The following TMEM132D variants were observed in gnomAD, a reference collection of about 807,000 sequenced individuals.
TMEM132D encodes transmembrane protein 132D.
A neutral mutation model predicts 62.3 loss-of-function variants in TMEM132D; 21 were observed. The observed-to-expected ratio is 0.34, with a 90% CI of 0.24 to 0.49. The LOEUF (loss-of-function observed/expected upper bound fraction) is 0.49, where lower values mean the gene tolerates loss of function less well. Ranked by LOEUF, TMEM132D falls within the 20% of genes least tolerant of loss-of-function variation. TMEM132D has a pLI of 0.99. For missense variants in TMEM132D, 1,346 were observed against 1,402.8 expected (o/e 0.96, Z 0.65); for synonymous variants, 621 against 575.6 (o/e 1.08, Z -1.13).
At chr12:129,869,955 CTGAG>C (rs1874187219) in intron 1 of TMEM132D, among the ~76,000 whole-genome samples, 1 of 152,158 alleles carries the variant, frequency 6.6e-6, no homozygotes, top group South Asian at 2.1e-4. Context: ...CTGGCACTTC[CTGAG>C]TGATGTGTTC....
chr12:129,500,513 C>T (rs988235975), intron 3 of TMEM132D, among the ~76,000 whole-genome samples: 2 of 152,034 alleles, frequency 1.3e-5, no homozygotes, highest in African/African-American at 2.4e-5. Context: ...TCTTTCTCTA[C>T]CCTTGGCTGC....
chr12:129,548,794 T>C (rs1290155119), intron 2 of TMEM132D, among the ~76,000 whole-genome samples: 1 of 152,188 alleles, frequency 6.6e-6, no homozygotes, highest in Non-Finnish European at 1.5e-5. Context: ...AAGAAAGTGG[T>C]TTACTCAGAA....
intron 3 of TMEM132D, among the ~76,000 whole-genome samples, chr12:129,501,163 A>G (rs1247079162): frequency 6.6e-6 from 1 of 152,214 alleles, no homozygotes; most frequent in Non-Finnish European, 1.5e-5. Flanking sequence ...ATTCAGGGGA[A>G]ATTCATATTT....
Position 129,648,045 on chromosome 12 carries a change from C to T in TMEM132D, c.968+51765G>A, listed in dbSNP as rs1027128616. ...GTCCCTCCCTGTTTGGAGACCAGACCGCTTTGTAAAACCAATGCATTTTTC... is the reference window on the plus strand; with the variant it reads ...GTCCCTCCCTGTTTGGAGACCAGACTGCTTTGTAAAACCAATGCATTTTTC... On this transcript the variant is annotated intron_variant, in intron 2 of 8. Coordinates refer to ENST00000422113, the MANE Select transcript of TMEM132D (RefSeq NM_133448.3). Among the ~76,000 whole-genome samples, 6 of 152,124 alleles carry T rather than the reference C, an allele frequency of 3.9e-5. No homozygotes were observed. The South Asian group carries it at 1.2e-3, about 32-fold the overall frequency.
intron 3 of TMEM132D, among the ~76,000 whole-genome samples, chr12:129,425,550 T>C (rs1235865603): frequency 2.6e-5 from 4 of 152,172 alleles, no homozygotes; most frequent in Non-Finnish European, 1.5e-5. Context: ...ATATGACTAA[T>C]GAACAACCTG....
intron 5 of TMEM132D, among the ~76,000 whole-genome samples, chr12:129,112,235 G>A (rs987043929): frequency 2.0e-5 from 3 of 152,212 alleles, no homozygotes; most frequent in Non-Finnish European, 4.4e-5. Context: ...TGCATTCTGG[G>A]GTGAATGTAT....
chr12:129,600,748 A>G (rs1196875207), intron 2 of TMEM132D, among the ~76,000 whole-genome samples: 1 of 152,104 alleles, frequency 6.6e-6, no homozygotes, highest in Non-Finnish European at 1.5e-5. Flanking sequence ...TTTTTTTCTG[A>G]GCAACAGATC....
chr12:129,365,581 A>G (rs572164030), intron 3 of TMEM132D, among the ~76,000 whole-genome samples: 2 of 152,270 alleles, frequency 1.3e-5, no homozygotes, highest in Non-Finnish European at 2.9e-5. Flanking sequence ...AGGAACCAGG[A>G]TGGAGCAGGG....
chr12:129,341,963 G>A (rs1869503910), intron 3 of TMEM132D, among the ~76,000 whole-genome samples: 1 of 152,116 alleles, frequency 6.6e-6, no homozygotes, highest in African/African-American at 2.4e-5. Context: ...ATGCTCATGG[G>A]TAGGAAGAAT....
Position 129,546,901 on chromosome 12 carries a change from A to G in TMEM132D, c.969-15696T>C, listed in dbSNP as rs572835547. On this transcript the variant is annotated intron_variant, in intron 2 of 8. Transcript: ENST00000422113. The stretch of plus-strand genomic sequence containing the variant: ...AAGACATCTTTGCAAGCAGCTTAGA[A>G]CCATCTATTTCCATACAGTTTATTA... Among the ~76,000 whole-genome samples the G allele has an allele frequency of 7.9e-5, 12 of 152,360 alleles. No homozygotes were observed. The East Asian group carries it at 2.3e-3, about 29-fold the overall frequency.
chr12:129,610,950 G>T (rs532550870), intron 2 of TMEM132D, among the ~76,000 whole-genome samples: 1 of 152,274 alleles, frequency 6.6e-6, no homozygotes, highest in African/African-American at 2.4e-5. Context: ...TCCCCAGAGG[G>T]AAGCGTGCAT....
At chr12:129,552,686 GTATTTA>G in intron 2 of TMEM132D, among the ~76,000 whole-genome samples, 1 of 151,602 alleles carries the variant, frequency 6.6e-6, no homozygotes, top group South Asian at 2.1e-4. Context: ...TATCCACCTA[GTATTTA>G]TCTGTTTACA....
chr12:129,716,664 G>C (rs1868586435), intron 1 of TMEM132D, among the ~76,000 whole-genome samples: 1 of 152,064 alleles, frequency 6.6e-6, no homozygotes, highest in Non-Finnish European at 1.5e-5. Context: ...CTTTGCAGAT[G>C]GGACTAAGTC....
At chr12:129,706,355 A>G (rs890656276) in intron 1 of TMEM132D, among the ~76,000 whole-genome samples, 2 of 152,026 alleles carry the variant, frequency 1.3e-5, no homozygotes, top group Non-Finnish European at 2.9e-5. Flanking sequence ...CACAACTTTA[A>G]TACAAAAAAA....
intron 1 of TMEM132D, among the ~76,000 whole-genome samples, chr12:129,820,683 A>G (rs534803953): frequency 6.6e-6 from 1 of 152,356 alleles, no homozygotes; most frequent in South Asian, 2.1e-4. Flanking sequence ...TTTCAGGTGT[A>G]AAGAAATGAT....
intron 2 of TMEM132D, among the ~76,000 whole-genome samples, chr12:129,688,818 A>G (rs1163955281): frequency 6.6e-6 from 1 of 152,202 alleles, no homozygotes; most frequent in Non-Finnish European, 1.5e-5. Context: ...AATTTCCAAG[A>G]AAAAATTGAC....
At chr12:129,611,649 CAG>C (rs1301843157) in intron 2 of TMEM132D, among the ~76,000 whole-genome samples, 1 of 152,238 alleles carries the variant, frequency 6.6e-6, no homozygotes, top group African/African-American at 2.4e-5. Context: ...CATCTCAACA[CAG>C]GGCTTCCAGG....
chr12:129,184,600 C>T (rs1452632194), intron 5 of TMEM132D, among the ~76,000 whole-genome samples: 1 of 152,190 alleles, frequency 6.6e-6, no homozygotes, highest in African/African-American at 2.4e-5. Context: ...TTAGTCTCTC[C>T]GTGGCTATTA....
chr12:129,747,206 AC>A (rs1869820997), intron 1 of TMEM132D, among the ~76,000 whole-genome samples: 1 of 125,362 alleles, frequency 8.0e-6, no homozygotes, highest in Non-Finnish European at 1.7e-5. Flanking sequence ...TCTCCTTCTT[AC>A]TCCTCCTTCC....
Sources: allele counts gnomAD v4.1 joint callset (sites outside exome capture counted in the v4.1 genomes callset), GRCh38; gene constraint gnomAD v4.1.1; transcripts MANE v1.5; gene names NCBI Gene and HGNC (gene_info 2026-07-23, HGNC 2026-07-21).